CEP131: variants seen among roughly 807,000 people sequenced by gnomAD.
CEP131 encodes the protein centrosomal protein of 131 kDa.
CEP131 carries 99 observed loss-of-function variants against 136.8 expected under a neutral mutation model. The ratio of observed to expected loss-of-function variants is 0.72; its 90% CI spans 0.62 to 0.86. The LOEUF (loss-of-function observed/expected upper bound fraction) is 0.86, where lower values mean the gene tolerates loss of function less well. Among genes scored for constraint, CEP131 ranks in the 40% least tolerant of loss-of-function variants. The pLI, the probability that CEP131 is intolerant of heterozygous loss-of-function variation, is 0.00. For missense variants in CEP131, 1,459 were observed against 1,463.0 expected, an observed-to-expected ratio of 1.00 and a Z score of 0.04; for synonymous variants, 646 against 612.7, an observed-to-expected ratio of 1.05 and a Z score of -0.80.
At chr17:81,216,332 C>A (rs751497674) in intron 2 of CEP131, among the ~76,000 whole-genome samples, 1 of 151,928 alleles carries the variant, frequency 6.6e-6, no homozygotes, top group Non-Finnish European at 1.5e-5. Context: ...GCACTCCAGC[C>A]TGGGCAAAAA....
In CEP131 at chr17:81,215,411, T is replaced by TA. The variant is rs998930259; in HGVS notation, c.177+4468_177+4469insT. On this transcript the variant is annotated intron_variant, in intron 2 of 25. Coordinates refer to ENST00000450824, the MANE Select transcript of CEP131 (RefSeq NM_014984.4). The surrounding 1 kb of genome is among the most constrained non-coding windows in gnomAD (Gnocchi z 4.1). Reference sequence around the variant, plus strand: ...CACTCCCGGCCCCCTTTCAAATTTTTTTATTTATTTAATTTTTTTTGAAAT... The same window carrying TA: ...CACTCCCGGCCCCCTTTCAAATTTTTATTATTTATTTAATTTTTTTTGAAAT... Among the ~76,000 whole-genome samples the TA allele has an allele frequency of 8.5e-5, 13 of 152,078 alleles. No homozygotes were observed. Among genetic ancestry groups the TA allele is most frequent in the Middle Eastern group, 3.4e-3 (1 of 294 alleles).
chr17:81,189,880 C>T (rs750130082), intron 25 of CEP131, 35 bp downstream of exon 25: 3 of 1,612,626 alleles, frequency 1.9e-6, no homozygotes, highest in Admixed American at 1.7e-5. Flanking sequence ...TGCTCCCAGC[C>T]CCGAGGTCCA....
intron 7 of CEP131, 33 bp from the exon 8 acceptor site, chr17:81,200,479 G>A: frequency 6.7e-7 from 1 of 1,483,358 alleles, no homozygotes; most frequent in Non-Finnish European, 9.2e-7. Context: ...GGCCAAGACA[G>A]GACCAGCGCC....
chr17:81,209,115 A>C lies in CEP131; in HGVS notation c.178-93T>G, dbSNP rs1258729719. The C allele has an allele frequency of 3.2e-6, 3 of 937,430 alleles. No individual in the cohort carries two copies. The African/African-American group carries it at 4.9e-5, about 15-fold the overall frequency. The allele number at this position is 937,430 out of a possible 1,614,324, so 58.1% of individuals were successfully genotyped here. Reference sequence around the variant, plus strand: ...CAGCTTTGGAGAAACGCAGTCAGAGAACAGAGGGGTGGCCCTAGGGTTACA... The same window carrying C: ...CAGCTTTGGAGAAACGCAGTCAGAGCACAGAGGGGTGGCCCTAGGGTTACA... On this transcript the variant is annotated intron_variant, in intron 2 of 25. Transcript: ENST00000450824.
At chr17:81,199,595 C>A in intron 9 of CEP131, 46 bp from the exon 10 acceptor site, 1 of 1,591,302 alleles carries the variant, frequency 6.3e-7, no homozygotes, top group Non-Finnish European at 8.5e-7. Context: ...AGAGGACGAC[C>A]CCAGGCTCCA....
intron 2 of CEP131, among the ~76,000 whole-genome samples, chr17:81,211,576 G>A (rs930105289): frequency 6.6e-6 from 1 of 152,198 alleles, no homozygotes; most frequent in African/African-American, 2.4e-5. Flanking sequence ...GGAGGCAGAC[G>A]CCAAGTCCCT....
chr17:81,218,631 G>C (rs576728311), intron 2 of CEP131, among the ~76,000 whole-genome samples: 1 of 152,226 alleles, frequency 6.6e-6, no homozygotes, highest in Non-Finnish European at 1.5e-5. Flanking sequence ...AGGACATCCC[G>C]GGTCCCCGCC....
chr17:81,222,245 C>A (rs1331728367), intron 1 of CEP131, among the ~76,000 whole-genome samples: 1 of 152,214 alleles, frequency 6.6e-6, no homozygotes, highest in Non-Finnish European at 1.5e-5. Context: ...CTCCCAGGAC[C>A]TGAAGGGGCG....
At chr17:81,200,298 A>AGCAT (rs1303304629) in intron 8 of CEP131, 31 bp downstream of exon 8, 2 of 1,543,156 alleles carry the variant, frequency 1.3e-6, no homozygotes, top group African/African-American at 1.4e-5. Flanking sequence ...CCCCCGGGGG[A>AGCAT]GCATGGAGTG....
In CEP131 at chr17:81,219,799, G is replaced by C; in HGVS notation, c.177+81C>G. The C allele has an allele frequency of 7.2e-7, 1 of 1,392,386 alleles. No homozygotes were observed. Among genetic ancestry groups the C allele is most frequent in the Non-Finnish European group, 9.6e-7 (1 of 1,044,012 alleles). 86.3% of individuals were successfully genotyped at this position (1,392,386 alleles called of 1,614,324 possible). Reference sequence around the variant, plus strand: ...TGTGAGGCACTTGTTCACCTGTGGAGCTGGACCCAGGGGTCAGATGCCAAC... The same window carrying C: ...TGTGAGGCACTTGTTCACCTGTGGACCTGGACCCAGGGGTCAGATGCCAAC... On this transcript the variant is annotated intron_variant, in intron 2 of 25. Coordinates refer to ENST00000450824, the MANE Select transcript of CEP131 (RefSeq NM_014984.4). This position sits in a 1 kb window ranked among gnomAD's most constrained non-coding sequence, Gnocchi z 4.0.
At chr17:81,195,456 G>C (rs151151810) in intron 16 of CEP131, among the ~76,000 whole-genome samples, 2 of 152,368 alleles carry the variant, frequency 1.3e-5, no homozygotes, top group Non-Finnish European at 2.9e-5. Flanking sequence ...ACAGCGGGAA[G>C]GGGCGGGGAG....
At position 81,197,011 on chromosome 17, in the gene CEP131, G is replaced by C; in HGVS notation, c.1692C>G (p.Ser564=). 1 of 1,596,972 alleles carries C rather than the reference G, an allele frequency of 6.3e-7. No individual in the cohort carries two copies. Among genetic ancestry groups the C allele is most frequent in the Non-Finnish European group, 8.5e-7 (1 of 1,171,760 alleles). Reference sequence around the variant, plus strand: ...GCCGCATCACAGACGTGCTCACCTCGGACCCCAGCTCCAGGGGCCCCGGCC... The same window carrying C: ...GCCGCATCACAGACGTGCTCACCTCCGACCCCAGCTCCAGGGGCCCCGGCC... ...EAGPGPLELG[S]EVSTSVMRLK... Residue 564 remains serine (S), a synonymous_variant, in exon 14 of 26, where the codon TCC becomes TCG. Coordinates refer to ENST00000450824, the MANE Select transcript of CEP131 (RefSeq NM_014984.4).
chr17:81,194,021 C>G lies in CEP131; in HGVS notation c.2226G>C (p.Ser742=). ...AELLQSDERA[S]QRCLRQAEEL... is the part of the protein sequence containing the mutation. ...CCTCGGCCTGGCGCAGGCAGCGCTG[C>G]GAGGCCCGCTCATCCGACTGCAGCA... The change falls in exon 18 of 26, where the codon TCG becomes TCC. Residue 742 remains serine, a synonymous_variant. Coordinates refer to ENST00000450824, the MANE Select transcript of CEP131 (RefSeq NM_014984.4). 6.4e-7 allele frequency: 1 copy of G among 1,571,016 alleles called. No individual in the cohort carries two copies. The highest frequency in any genetic ancestry group is 8.6e-7 in the Non-Finnish European group (1 of 1,158,682).
Position 81,197,823 on chromosome 17 carries a change from G to C in CEP131, c.1536C>G (p.Pro512=), listed in dbSNP as rs146787536. The change falls in exon 13 of 26, where the codon CCC becomes CCG. Residue 512 remains proline (P), a synonymous_variant. Transcript: ENST00000450824. ...GCAGCGTCCCATCCTCAGGAGGTTC[G>C]GGGAACGCACTGAGTTTTCCAAATT... The part of the protein sequence containing the change: ...LEKFGKLSAF[P]EPPEDGTLLS... 6.2e-7 allele frequency: 1 copy of C among 1,613,240 alleles called. No individual in the cohort carries two copies. The highest frequency in any genetic ancestry group is 8.5e-7 in the Non-Finnish European group (1 of 1,179,932).
intron 2 of CEP131, among the ~76,000 whole-genome samples, chr17:81,210,255 G>A (rs1320986586): frequency 3.3e-5 from 5 of 152,156 alleles, no homozygotes; most frequent in African/African-American, 9.7e-5. Flanking sequence ...TTGGGAGGCC[G>A]GGGTGGGCAG....
At position 81,194,890 on chromosome 17, in the gene CEP131, A is replaced by G; in HGVS notation, c.2099T>C (p.Ile700Thr). Residue 700 changes from isoleucine to threonine, a missense_variant, in exon 17 of 26, where the codon ATC (isoleucine) becomes ACC (threonine). Ile to Thr is a moderately conservative substitution (Grantham distance 89, BLOSUM62 -1). Around this residue, in one of 3 missense-constraint regions of CEP131, gnomAD observed 1,026 missense variants for 964.2 expected, o/e 1.06. Coordinates refer to ENST00000450824, the MANE Select transcript of CEP131 (RefSeq NM_014984.4). ...CCCACCTCGGACAGTGACCTCCTTG[A>G]TCTTCTTGGTTTTCTCACTGATCCA... is the stretch of plus-strand genomic sequence containing the variant. ...EKWISEKTKK[I>T]KEVTVRGLEP... is the part of the protein sequence containing the mutation. 3 of 1,611,918 alleles carry G rather than the reference A, an allele frequency of 1.9e-6. No individual in the cohort carries two copies. Among genetic ancestry groups the G allele is most frequent in the Non-Finnish European group, 2.5e-6 (3 of 1,179,850 alleles).
chr17:81,202,400 T>C lies in CEP131; in HGVS notation c.630-2A>G, dbSNP rs745448318. 1.2e-6 allele frequency: 2 copies of C among 1,612,442 alleles called. No homozygotes were observed. Among genetic ancestry groups the C allele is most frequent in the Non-Finnish European group, 1.7e-6 (2 of 1,179,648 alleles). On this transcript the variant is annotated splice_acceptor_variant, in intron 6 of 25. Transcript: ENST00000450824. LOFTEE classifies it high-confidence loss of function. ...CAGGTGGCTGCCTTGATGATGTTGC[T>C]GACAGGTAAGAAGAAAACACCCTCG... is the stretch of plus-strand genomic sequence containing the variant.
intron 17 of CEP131, among the ~76,000 whole-genome samples, chr17:81,194,436 C>T (rs939192037): frequency 6.6e-6 from 1 of 152,338 alleles, no homozygotes; most frequent in South Asian, 2.1e-4. Context: ...GAGCCCTGCA[C>T]ATCACCCAAG....
intron 2 of CEP131, among the ~76,000 whole-genome samples, chr17:81,217,920 G>C (rs920158202): frequency 6.6e-6 from 1 of 152,176 alleles, no homozygotes; most frequent in African/African-American, 2.4e-5. Context: ...CCATGCCGCC[G>C]AAAGACCATC....
Sources: gnomAD v4.1 joint callset for allele counts (sites outside exome capture counted in the v4.1 genomes callset) on GRCh38, gnomAD v4.1.1 for gene constraint, gnomAD v4.1.1 regional missense constraint, Gnocchi (gnomAD v3.1) non-coding constraint, MANE v1.5 for transcripts, NCBI Gene and HGNC (gene_info 2026-07-23, HGNC 2026-07-21) for gene names.